The following PTPRK variants were observed in gnomAD, a reference collection of about 807,000 sequenced individuals.
PTPRK encodes protein tyrosine phosphatase receptor type K, also known as receptor-type tyrosine-protein phosphatase kappa.
A neutral mutation model predicts 178.0 loss-of-function variants in PTPRK; 75 were observed. That is an observed-to-expected ratio of 0.42 (90% CI 0.35 to 0.51). PTPRK has a LOEUF of 0.51. PTPRK is among the 20% of genes least tolerant of loss of function. The probability of loss-of-function intolerance (pLI) is 0.02; values close to 1 mark genes in which losing one functional copy is unlikely to be tolerated. For synonymous variants in PTPRK, 637 were observed against 620.6 expected, an observed-to-expected ratio of 1.03 and a Z score of -0.39; for missense variants, 1,441 against 1,797.8, an observed-to-expected ratio of 0.80 and a Z score of 3.59.
intron 2 of PTPRK, among the ~76,000 whole-genome samples, chr6:128,343,198 C>A (rs1831916075): frequency 6.6e-6 from 1 of 151,852 alleles, no homozygotes; most frequent in African/African-American, 2.4e-5. Context: ...ATATATATGT[C>A]TATATGAAAA....
intron 1 of PTPRK, among the ~76,000 whole-genome samples, chr6:128,490,586 C>T (rs1394043752): frequency 6.6e-6 from 1 of 152,178 alleles, no homozygotes; most frequent in Non-Finnish European, 1.5e-5. Context: ...ATTCCACAAT[C>T]ACACTCCCCA....
chr6:128,432,643 A>G (rs1377729127), intron 1 of PTPRK, among the ~76,000 whole-genome samples: 2 of 152,290 alleles, frequency 1.3e-5, no homozygotes, highest in East Asian at 3.9e-4. Context: ...AAGTCAAAAT[A>G]TCCTCACAAA....
In PTPRK at chr6:128,111,477, C is replaced by T. The variant is rs182043278; in HGVS notation, c.1163-21485G>A. Among the ~76,000 whole-genome samples the T allele has an allele frequency of 2.6e-4, 39 of 152,276 alleles. No homozygotes were observed. The East Asian group carries it at 7.1e-3, about 28-fold the overall frequency. On this transcript the variant is annotated intron_variant, in intron 7 of 29. Coordinates refer to ENST00000368226, the MANE Select transcript of PTPRK (RefSeq NM_002844.4). ...TAGCTGTAGAACTTAAACTGTATCT[C>T]AGAATATTCCTCTTAAATCTGCATA...
intron 13 of PTPRK, among the ~76,000 whole-genome samples, chr6:128,026,167 C>T (rs1774255931): frequency 6.6e-6 from 1 of 152,164 alleles, no homozygotes; most frequent in Non-Finnish European, 1.5e-5. Flanking sequence ...AGAAGATCAT[C>T]TGCCATATTT....
intron 6 of PTPRK, among the ~76,000 whole-genome samples, chr6:128,198,328 C>G (rs1376244486): frequency 6.6e-6 from 1 of 152,160 alleles, no homozygotes; most frequent in African/African-American, 2.4e-5. Context: ...CATGTGTTAT[C>G]ACTCTTCAAG....
chr6:128,378,988 T>C (rs1837491025), intron 2 of PTPRK, among the ~76,000 whole-genome samples: 1 of 152,154 alleles, frequency 6.6e-6, no homozygotes, highest in African/African-American at 2.4e-5. Flanking sequence ...AATTATTGAA[T>C]GTCTATCACA....
chr6:128,515,730 T>C (rs911055157), intron 1 of PTPRK, among the ~76,000 whole-genome samples: 1 of 152,154 alleles, frequency 6.6e-6, no homozygotes, highest in Admixed American at 6.5e-5. Context: ...CCTGTGTTCT[T>C]TGTTTTGTCT....
intron 7 of PTPRK, among the ~76,000 whole-genome samples, chr6:128,120,591 C>G (rs574765133): frequency 6.6e-6 from 1 of 151,908 alleles, no homozygotes; most frequent in African/African-American, 2.4e-5. Context: ...GTATGTATTG[C>G]TTATGGAAAA....
At chr6:128,234,920 A>AT (rs1242807153) in intron 5 of PTPRK, among the ~76,000 whole-genome samples, 2 of 152,204 alleles carry the variant, frequency 1.3e-5, no homozygotes, top group African/African-American at 4.8e-5. Context: ...TCCAGTGTTC[A>AT]TAAGAGTTAC....
chr6:128,476,387 G>C (rs547063360), intron 1 of PTPRK, among the ~76,000 whole-genome samples: 5 of 151,970 alleles, frequency 3.3e-5, no homozygotes, highest in Non-Finnish European at 5.9e-5. Context: ...TTTATTTGTT[G>C]TTGGTTAAAT....
At chr6:128,180,992 G>C (rs555923203) in intron 7 of PTPRK, among the ~76,000 whole-genome samples, 2 of 152,084 alleles carry the variant, frequency 1.3e-5, no homozygotes, top group Non-Finnish European at 2.9e-5. Flanking sequence ...TTTTGTTTTT[G>C]TTTCCTGAGT....
At chr6:128,241,956 T>G (rs1313094534) in intron 4 of PTPRK, among the ~76,000 whole-genome samples, 3 of 150,264 alleles carry the variant, frequency 2.0e-5, no homozygotes, top group Non-Finnish European at 3.0e-5. Context: ...TAATTTTTTT[T>G]TTTTTTTTTT....
chr6:128,153,480 G>GA (rs938683945), intron 7 of PTPRK, among the ~76,000 whole-genome samples: 6 of 151,492 alleles, frequency 4.0e-5, no homozygotes, highest in Admixed American at 6.6e-5. Context: ...GCTATCAAAA[G>GA]AAAAAAAAGT....
intron 7 of PTPRK, among the ~76,000 whole-genome samples, chr6:128,183,533 T>A (rs1321964609): frequency 1.3e-5 from 2 of 152,138 alleles, no homozygotes; most frequent in Non-Finnish European, 2.9e-5. Context: ...GATGCTGGAC[T>A]AAAAAATATG....
At chr6:128,463,968 C>T (rs566783582) in intron 1 of PTPRK, among the ~76,000 whole-genome samples, 7 of 151,412 alleles carry the variant, frequency 4.6e-5, no homozygotes, top group African/African-American at 1.2e-4. Context: ...GTTGGCCAGG[C>T]GGTCTCGAAC....
intron 5 of PTPRK, among the ~76,000 whole-genome samples, chr6:128,220,224 G>T (rs886171566): frequency 6.6e-6 from 1 of 151,798 alleles, no homozygotes; most frequent in African/African-American, 2.4e-5. Flanking sequence ...ACCCATCAAG[G>T]AATAAATAGC....
intron 1 of PTPRK, among the ~76,000 whole-genome samples, chr6:128,448,602 A>G (rs1420449537): frequency 6.6e-6 from 1 of 152,198 alleles, no homozygotes; most frequent in African/African-American, 2.4e-5. Flanking sequence ...CTTTGTATTA[A>G]TAAGATGCTA....
Position 128,184,633 on chromosome 6 carries a change from C to G in PTPRK, c.961G>C (p.Gly321Arg). ...TCTACTTCTTTCAGGATGATAGGACCATCGCCAATGATCGAGTTGGCATTT... is the reference window on the plus strand; with the variant it reads ...TCTACTTCTTTCAGGATGATAGGACGATCGCCAATGATCGAGTTGGCATTT... Reference protein sequence around the residue: ...QLNANSIIGDGPIILKEVEYR... With the variant: ...QLNANSIIGDRPIILKEVEYR... Residue 321 changes from glycine (G) to arginine (R), a missense_variant, in exon 7 of 30, where the codon GGT becomes CGT. This residue lies in a region of PTPRK where 945 missense variants were observed against 1,080.6 expected (regional missense o/e 0.87). Transcript: ENST00000368226. 6.2e-7 allele frequency: 1 copy of G among 1,613,914 alleles called. No individual in the cohort carries two copies. Among genetic ancestry groups the G allele is most frequent in the South Asian group, 1.1e-5 (1 of 91,076 alleles).
At position 128,362,968 on chromosome 6, in the gene PTPRK, T is replaced by C. The variant is rs576983023; in HGVS notation, c.223+34598A>G. 4.6e-5 allele frequency among the ~76,000 whole-genome samples: 7 copies of C among 152,252 alleles called. No homozygotes were observed. The East Asian group carries it at 9.6e-4, about 21-fold the overall frequency. On this transcript the variant is annotated intron_variant, in intron 2 of 29. Transcript: ENST00000368226. The stretch of plus-strand genomic sequence containing the variant: ...TATTATGAAATAGGTCCTCATGAAC[T>C]GAAGTTCTGCCAAAACAGAGAAGCC...
Sources: allele counts gnomAD v4.1 joint callset (sites outside exome capture counted in the v4.1 genomes callset), GRCh38; gene constraint gnomAD v4.1.1; regional missense constraint gnomAD v4.1.1; transcripts MANE v1.5; gene names NCBI Gene and HGNC (gene_info 2026-07-23, HGNC 2026-07-21).